Variants in CHD2 observed in about 807,000 individuals in gnomAD.
CHD2 encodes the protein chromodomain helicase DNA binding protein 2, also known as ATP-dependent chromatin remodeler CHD2.
CHD2 carries 28 observed loss-of-function variants against 243.9 expected under a neutral mutation model. The observed-to-expected ratio is 0.11, with a 90% confidence interval of 0.09 to 0.16. The LOEUF is 0.16. CHD2 is among the 10% of genes least tolerant of loss of function. The probability of loss-of-function intolerance (pLI) is 1.00; values close to 1 mark genes in which losing one functional copy is unlikely to be tolerated. For synonymous variants in CHD2, 775 were observed against 779.0 expected, an observed-to-expected ratio of 0.99 and a Z score of 0.09; for missense variants, 1,386 against 2,209.8, an observed-to-expected ratio of 0.63 and a Z score of 7.47.
At chr15:92,931,630 C>G (rs1185111568) in intron 5 of CHD2, among the ~76,000 whole-genome samples, 1 of 152,096 alleles carries the variant, frequency 6.6e-6, no homozygotes, top group African/African-American at 2.4e-5. Flanking sequence ...TCACCTTGCT[C>G]TCCAAAAGTG....
At chr15:92,958,453 A>G (rs951502785) in intron 16 of CHD2, among the ~76,000 whole-genome samples, 7 of 152,194 alleles carry the variant, frequency 4.6e-5, no homozygotes, top group African/African-American at 1.7e-4. Context: ...GTGTTCCGTC[A>G]TTGGAACTCT....
intron 6 of CHD2, among the ~76,000 whole-genome samples, chr15:92,938,398 T>G (rs1028096322): frequency 6.6e-6 from 1 of 152,248 alleles, no homozygotes; most frequent in Non-Finnish European, 1.5e-5. Context: ...GAAAATTTAT[T>G]TTCTTTCATT....
Position 92,901,148 on chromosome 15 carries a change from T to C in CHD2, c.-71-19T>C. ...ATCGATAGAAGCCGGGACCTTACCT[T>C]TCTTTCAACTTTTGACAGTAAATAC... is the stretch of plus-strand genomic sequence containing the variant. On this transcript the variant is annotated intron_variant, in intron 1 of 38. Coordinates refer to ENST00000394196, the MANE Select transcript of CHD2 (RefSeq NM_001271.4). 1 of 766,082 alleles carries C rather than the reference T, an allele frequency of 1.3e-6. No individual in the cohort carries two copies. The highest frequency in any genetic ancestry group is 2.3e-6 in the Non-Finnish European group (1 of 436,366). The allele number at this position is 766,082 out of a possible 1,614,324, so 47.5% of individuals were successfully genotyped here. A position where few individuals can be genotyped will look rare whatever the true frequency, so the allele number is the denominator to read the frequency against.
At chr15:92,953,161 C>T (rs1379866614) in intron 13 of CHD2, among the ~76,000 whole-genome samples, 196 bp from the exon 14 acceptor site, 1 of 152,146 alleles carries the variant, frequency 6.6e-6, no homozygotes, top group Non-Finnish European at 1.5e-5. Flanking sequence ...TGTTATTCTG[C>T]TTTTTATGGT....
chr15:92,999,509 A>G (rs577167477), intron 31 of CHD2, among the ~76,000 whole-genome samples: 12 of 152,350 alleles, frequency 7.9e-5, no homozygotes, highest in African/African-American at 2.6e-4. Flanking sequence ...AATCCCAGCT[A>G]AGAAATACAA....
At chr15:93,016,105 C>T (rs12905450) in intron 37 of CHD2, among the ~76,000 whole-genome samples, 3,417 of 152,296 alleles carry the variant, frequency 0.022, 72 homozygotes, top group Middle Eastern at 0.037. Flanking sequence ...CGTAATCATC[C>T]TAAGTGCCCA....
intron 2 of CHD2, chr15:92,904,392 C>T: frequency 1.1e-6 from 1 of 947,516 alleles, no homozygotes; most frequent in Non-Finnish European, 1.3e-6. Flanking sequence ...TGACGTCAGA[C>T]GGCTCCCCTG....
intron 28 of CHD2, 22 bp from the exon 29 acceptor site, chr15:92,996,935 A>G: frequency 6.3e-7 from 1 of 1,593,756 alleles, no homozygotes; most frequent in East Asian, 2.2e-5. Context: ...CATTTAACTA[A>G]TGTGAAACTG....
rs780549048 is a variant in CHD2 at position 92,937,520 on chromosome 15, A to G, written c.446A>G (p.Glu149Gly). Reference protein sequence around the residue: ...RRGQRQLKKQEKWKQEPSEDE... With the variant: ...RRGQRQLKKQGKWKQEPSEDE... Reference sequence around the variant, plus strand: ...CTTTGTTTTGCTTTTGATCACAGAGAAAAATGGAAACAGGAACCCTCAGAA... The same window carrying G: ...CTTTGTTTTGCTTTTGATCACAGAGGAAAATGGAAACAGGAACCCTCAGAA... The change falls in exon 6 of 39, where the codon GAA becomes GGA. Residue 149 changes from glutamate (E) to glycine (G), a missense_variant and splice_region_variant. Glu to Gly is a moderately conservative substitution (Grantham distance 98, BLOSUM62 -2). Transcript: ENST00000394196. 2.5e-6 allele frequency: 4 copies of G among 1,600,260 alleles called. No homozygotes were observed. The highest frequency in any genetic ancestry group is 3.4e-6 in the Non-Finnish European group (4 of 1,173,948).
chr15:92,928,410 A>G (rs549041100), intron 4 of CHD2, among the ~76,000 whole-genome samples: 1 of 152,360 alleles, frequency 6.6e-6, no homozygotes, highest in African/African-American at 2.4e-5. Context: ...TGTGGAGAGA[A>G]AGAGCTACTG....
At chr15:93,009,375 G>A (rs942848646) in intron 35 of CHD2, 52 bp downstream of exon 35, 4 of 1,532,968 alleles carry the variant, frequency 2.6e-6, no homozygotes, top group Non-Finnish European at 2.7e-6. Context: ...GTGTGGGAGT[G>A]GATTCTGTTT....
chr15:92,980,560 A>G (rs2053966626), intron 22 of CHD2, among the ~76,000 whole-genome samples: 1 of 152,184 alleles, frequency 6.6e-6, no homozygotes, highest in Non-Finnish European at 1.5e-5. Context: ...TAACATTGCT[A>G]GTCACCTTTC....
intron 16 of CHD2, among the ~76,000 whole-genome samples, chr15:92,966,909 C>CA (rs57813753): frequency 0.77 from 101,550 of 132,596 alleles, 39,001 homozygotes; most frequent in East Asian, 0.99. Flanking sequence ...GACTCTGTCT[C>CA]AAAAAAAAAA....
Position 92,966,896 on chromosome 15 carries a change from C to T in CHD2, c.2001-429C>T, listed in dbSNP as rs562776744. 6.1e-5 allele frequency among the ~76,000 whole-genome samples: 8 copies of T among 132,074 alleles called. No individual in the cohort carries two copies. In the South Asian group the frequency reaches 1.4e-3, roughly 23 times the overall value. The allele number at this position is 132,074 out of a possible 152,430, so 86.6% of individuals were successfully genotyped here. On this transcript the variant is annotated intron_variant, in intron 16 of 38. Coordinates refer to ENST00000394196, the MANE Select transcript of CHD2 (RefSeq NM_001271.4). ...CTGCATTCCAGCCTGGGCGACGGAGCGAGACTCTGTCTCAAAAAAAAAAAA... is the reference window on the plus strand; with the variant it reads ...CTGCATTCCAGCCTGGGCGACGGAGTGAGACTCTGTCTCAAAAAAAAAAAA...
chr15:92,928,786 CT>C (rs1438889898), intron 4 of CHD2, among the ~76,000 whole-genome samples: 4 of 152,128 alleles, frequency 2.6e-5, no homozygotes, highest in Non-Finnish European at 5.9e-5. Flanking sequence ...TATTGCTGTT[CT>C]GGAAGTCAAG....
At chr15:92,940,871 TATAC>T (rs1224573767) in intron 7 of CHD2, among the ~76,000 whole-genome samples, 4 of 114,678 alleles carry the variant, frequency 3.5e-5, no homozygotes, top group Non-Finnish European at 7.2e-5. Context: ...TATATAAAAA[TATAC>T]ATATAAATAT....
At chr15:92,957,760 T>G (rs1329094885) in intron 16 of CHD2, among the ~76,000 whole-genome samples, 1 of 152,170 alleles carries the variant, frequency 6.6e-6, no homozygotes, top group Admixed American at 6.6e-5. Flanking sequence ...CCATCATCAT[T>G]GTCCAGTTTT....
At chr15:92,938,258 A>G (rs1311420239) in intron 6 of CHD2, among the ~76,000 whole-genome samples, 1 of 152,254 alleles carries the variant, frequency 6.6e-6, no homozygotes, top group South Asian at 2.1e-4. Context: ...TTAAGGATAG[A>G]GAGCACTAAA....
At chr15:92,904,534 C>T (rs1567116868) in intron 2 of CHD2, 6 of 999,082 alleles carry the variant, frequency 6.0e-6, no homozygotes, top group Non-Finnish European at 7.2e-6. Flanking sequence ...CGGTGGGCGG[C>T]TTCTTTCCTG....
Sources: allele counts gnomAD v4.1 joint callset (sites outside exome capture counted in the v4.1 genomes callset), GRCh38; gene constraint gnomAD v4.1.1; transcripts MANE v1.5; gene names NCBI Gene and HGNC (gene_info 2026-07-23, HGNC 2026-07-21).